Variants in ADCY8 observed in about 807,000 individuals in gnomAD.
ADCY8 encodes adenylate cyclase 8.
Under a neutral mutation model 119.7 loss-of-function variants are expected in ADCY8, and 51 were observed. The observed-to-expected ratio is 0.43, with a 90% CI of 0.34 to 0.54. The LOEUF (loss-of-function observed/expected upper bound fraction) is 0.54, where lower values mean the gene tolerates loss of function less well. ADCY8 is among the 20% of genes least tolerant of loss of function. The pLI is 0.03. For synonymous variants in ADCY8, 665 were observed against 651.0 expected (o/e 1.02, Z -0.33); for missense variants, 1,383 against 1,598.8 (o/e 0.87, Z 2.30).
chr8:130,928,536 G>T (rs1472685120), intron 5 of ADCY8, among the ~76,000 whole-genome samples: 3 of 152,084 alleles, frequency 2.0e-5, no homozygotes, highest in Admixed American at 1.3e-4. Flanking sequence ...TGATCATGTG[G>T]TTTTGTCCTT....
Position 130,990,396 on chromosome 8 carries a change from T to C in ADCY8, c.1107A>G (p.Arg369=). 1 of 1,614,124 alleles carries C rather than the reference T, an allele frequency of 6.2e-7. No individual in the cohort carries two copies. The highest frequency in any genetic ancestry group is 8.5e-7 in the Non-Finnish European group (1 of 1,179,980). ...ARLRLETENQ[R]QERLVLSVLP... Reference sequence around the variant, plus strand: ...ACACAGCCTTGTCAGTTGGTACCTGTCTTTGGTTCTCTGTCTCCAGGCGCA... The same window carrying C: ...ACACAGCCTTGTCAGTTGGTACCTGCCTTTGGTTCTCTGTCTCCAGGCGCA... The change falls in exon 2 of 18, where the codon AGA becomes AGG. Residue 369 remains arginine (R), a synonymous_variant. Coordinates refer to ENST00000286355, the MANE Select transcript of ADCY8 (RefSeq NM_001115.3).
intron 9 of ADCY8, among the ~76,000 whole-genome samples, chr8:130,862,033 G>T (rs1174200510): frequency 6.6e-6 from 1 of 152,160 alleles, no homozygotes; most frequent in African/African-American, 2.4e-5. Flanking sequence ...AGTTCTGTTG[G>T]AGCATGGCGT....
At chr8:130,867,824 C>T (rs762694796) in intron 9 of ADCY8, 22 bp downstream of exon 9, 1 of 1,521,886 alleles carries the variant, frequency 6.6e-7, no homozygotes, top group South Asian at 1.2e-5. Context: ...TTCACCAGAT[C>T]AATTAGTTCT....
intron 2 of ADCY8, among the ~76,000 whole-genome samples, chr8:130,985,786 C>A (rs566154949): frequency 4.5e-4 from 69 of 152,228 alleles, no homozygotes; most frequent in Non-Finnish European, 9.0e-4. Flanking sequence ...AATCTACTGT[C>A]CGAACCACCA....
At chr8:130,811,465 T>A (rs1816163985) in intron 14 of ADCY8, among the ~76,000 whole-genome samples, 1 of 152,240 alleles carries the variant, frequency 6.6e-6, no homozygotes, top group Non-Finnish European at 1.5e-5. Context: ...AACTGGCTCA[T>A]TGGTCAGATT....
chr8:130,874,074 G>A (rs1818466744), intron 8 of ADCY8, among the ~76,000 whole-genome samples: 2 of 152,016 alleles, frequency 1.3e-5, no homozygotes, highest in East Asian at 1.9e-4. Context: ...TTGGGAGGCC[G>A]AGGTGGGTGG....
intron 15 of ADCY8, among the ~76,000 whole-genome samples, chr8:130,788,582 TTAA>T (rs1333116983): frequency 6.6e-6 from 1 of 152,084 alleles, no homozygotes; most frequent in African/African-American, 2.4e-5. Flanking sequence ...GTGACTATAA[TTAA>T]TAATAATATA....
At chr8:130,795,986 G>A (rs1351185359) in intron 15 of ADCY8, among the ~76,000 whole-genome samples, 4 of 152,012 alleles carry the variant, frequency 2.6e-5, no homozygotes, top group Admixed American at 6.5e-5. Context: ...CATATTTGGT[G>A]TTTTGGCGCC....
intron 9 of ADCY8, among the ~76,000 whole-genome samples, chr8:130,852,447 C>T (rs766996771): frequency 6.6e-5 from 10 of 152,078 alleles, no homozygotes; most frequent in Admixed American, 6.5e-5. Flanking sequence ...TATTTCTGGG[C>T]ACCAGGGGGA....
At chr8:130,999,430 G>C (rs985587957) in intron 1 of ADCY8, among the ~76,000 whole-genome samples, 12 of 152,116 alleles carry the variant, frequency 7.9e-5, no homozygotes, top group African/African-American at 2.9e-4. Context: ...GGAGTTCAAA[G>C]TTGGAAGCAC....
At chr8:130,939,883 GT>G (rs1292278386) in intron 4 of ADCY8, among the ~76,000 whole-genome samples, 1 of 152,164 alleles carries the variant, frequency 6.6e-6, no homozygotes, top group Non-Finnish European at 1.5e-5. Context: ...AGTCACGTCT[GT>G]TTTACAGATA....
chr8:130,976,859 G>A (rs567198094), intron 2 of ADCY8, among the ~76,000 whole-genome samples: 1 of 152,256 alleles, frequency 6.6e-6, no homozygotes, highest in South Asian at 2.1e-4. Context: ...TGTGTTTACA[G>A]TTAAAAATTA....
chr8:130,815,395 T>A (rs1331897922), intron 13 of ADCY8, among the ~76,000 whole-genome samples: 1 of 152,188 alleles, frequency 6.6e-6, no homozygotes, highest in Non-Finnish European at 1.5e-5. Context: ...ATTAAATAAG[T>A]TATCATAATA....
chr8:130,905,253 C>A (rs1024891973), intron 6 of ADCY8, among the ~76,000 whole-genome samples: 31 of 152,306 alleles, frequency 2.0e-4, no homozygotes, highest in Admixed American at 7.2e-4. Flanking sequence ...TCAAGGCTTG[C>A]AGAAGACTAT....
In ADCY8 at chr8:130,836,304, C is replaced by T. The variant is rs750659032; in HGVS notation, c.2648G>A (p.Arg883His). 12 of 1,613,406 alleles carry T rather than the reference C, an allele frequency of 7.4e-6. No homozygotes were observed. The highest frequency in any genetic ancestry group is 3.3e-5 in the Admixed American group (2 of 59,940). The change falls in exon 12 of 18, where the codon CGT becomes CAT. Residue 883 changes from arginine (R) to histidine (H), a missense_variant. Transcript: ENST00000286355. Reference sequence around the variant, plus strand: ...TCCACTGTGGTTGAGGTTGTCATAACGCAGAAAGAGGCCTGCGTAGACGGT... The same window carrying T: ...TCCACTGTGGTTGAGGTTGTCATAATGCAGAAAGAGGCCTGCGTAGACGGT... ...TETVYAGLFL[R>H]YDNLNHSGED...
intron 8 of ADCY8, among the ~76,000 whole-genome samples, chr8:130,877,558 A>T (rs1412184603): frequency 3.3e-5 from 5 of 152,220 alleles, no homozygotes; most frequent in Non-Finnish European, 7.3e-5. Context: ...ACAGAAAGAC[A>T]ATCTTTTGCA....
At chr8:130,784,174 ATGTGGGTATGGGTATGTG>A (rs1305675260) in intron 16 of ADCY8, among the ~76,000 whole-genome samples, 1 of 151,670 alleles carries the variant, frequency 6.6e-6, no homozygotes. Context: ...CCGTGAGTGT[ATGTGGGTATGGGTATGTG>A]TGTGGGTATG....
chr8:130,858,852 C>T (rs10956555), intron 9 of ADCY8, among the ~76,000 whole-genome samples: 60,480 of 151,654 alleles, frequency 0.4, 12,531 homozygotes, highest in African/African-American at 0.51. Flanking sequence ...CTCGGGGGCT[C>T]TTTTGTTGGT....
chr8:130,829,861 A>G (rs1054540016), intron 12 of ADCY8, among the ~76,000 whole-genome samples: 1 of 152,216 alleles, frequency 6.6e-6, no homozygotes, highest in Non-Finnish European at 1.5e-5. Flanking sequence ...GTGGAGGTAA[A>G]CCAGTTTTAC....
Sources: gnomAD v4.1 joint callset for allele counts (sites outside exome capture counted in the v4.1 genomes callset) on GRCh38, gnomAD v4.1.1 for gene constraint, MANE v1.5 for transcripts, NCBI Gene and HGNC (gene_info 2026-07-23, HGNC 2026-07-21) for gene names.